Variants in CACNA2D3 observed in about 807,000 individuals in gnomAD.
CACNA2D3 encodes the protein voltage-dependent calcium channel subunit alpha-2/delta-3.
CACNA2D3 carries 60 observed loss-of-function variants against 160.6 expected under a neutral mutation model. That is an observed-to-expected ratio of 0.37 (90% CI 0.30 to 0.46). CACNA2D3 has a LOEUF of 0.46. CACNA2D3 is among the 20% of genes least tolerant of loss of function. CACNA2D3 has a pLI of 1.00. For synonymous variants in CACNA2D3, 558 were observed against 492.9 expected (o/e 1.13, Z -1.75); for missense variants, 1,205 against 1,365.0 (o/e 0.88, Z 1.85).
intron 4 of CACNA2D3, among the ~76,000 whole-genome samples, chr3:54,387,557 CAGG>C: frequency 6.6e-6 from 1 of 152,284 alleles, no homozygotes; most frequent in Non-Finnish European, 1.5e-5. Context: ...GAAACTGAGG[CAGG>C]AGAATTGCTT....
intron 25 of CACNA2D3, 69 bp from the exon 26 acceptor site, chr3:54,896,680 C>T (rs887418329): frequency 6.9e-6 from 11 of 1,594,604 alleles, no homozygotes; most frequent in East Asian, 4.5e-5. Flanking sequence ...TGAAGGCTGT[C>T]GGGGTGCTCC....
intron 11 of CACNA2D3, among the ~76,000 whole-genome samples, chr3:54,650,384 CAG>C (rs1258682454): frequency 6.6e-6 from 1 of 151,680 alleles, no homozygotes; most frequent in Non-Finnish European, 1.5e-5. Context: ...TATTTTTAAA[CAG>C]AGTCTTGCTG....
At chr3:54,232,514 G>A (rs1322583892) in intron 2 of CACNA2D3, among the ~76,000 whole-genome samples, 2 of 152,106 alleles carry the variant, frequency 1.3e-5, no homozygotes, top group African/African-American at 4.8e-5. Context: ...AAACTCAAAA[G>A]GAAACGTTAC....
rs899959661 is a variant in CACNA2D3, at chr3:54,399,996, C to G, written c.381+13222C>G. ...CTCTGAGCCAGGTGTGGGATATAGT[C>G]TCGTGGTGCGCCGTTTTTTAAGCCG... On this transcript the variant is annotated intron_variant, in intron 4 of 37. Transcript: ENST00000474759. Among the ~76,000 whole-genome samples the G allele has an allele frequency of 5.8e-5, 7 of 120,084 alleles. 1 individual carries two copies. The highest frequency in any genetic ancestry group is 2.3e-4 in the African/African-American group (7 of 30,460). 78.8% of individuals were successfully genotyped at this position (120,084 alleles called of 152,430 possible). A position where few individuals can be genotyped will look rare whatever the true frequency, so the allele number is the denominator to read the frequency against.
intron 2 of CACNA2D3, among the ~76,000 whole-genome samples, chr3:54,296,894 C>G (rs903986809): frequency 6.6e-6 from 1 of 152,172 alleles, no homozygotes; most frequent in East Asian, 1.9e-4. Context: ...GATGTTCAAG[C>G]TGAGTTTGGC....
intron 11 of CACNA2D3, among the ~76,000 whole-genome samples, chr3:54,696,211 T>C (rs1274280975): frequency 6.6e-6 from 1 of 152,174 alleles, no homozygotes; most frequent in African/African-American, 2.4e-5. Context: ...CTGGTGTTAT[T>C]TGGACCAGTG....
At position 54,809,610 on chromosome 3, in the gene CACNA2D3, G is replaced by A. The variant is rs755069922; in HGVS notation, c.1381-7243G>A. 1.3e-4 allele frequency among the ~76,000 whole-genome samples: 18 copies of A among 140,360 alleles called. 1 individual carries two copies. Among genetic ancestry groups the A allele is most frequent in the Non-Finnish European group, 1.6e-4 (11 of 67,782 alleles). 92.1% of individuals were successfully genotyped at this position (140,360 alleles called of 152,430 possible). A position where few individuals can be genotyped will look rare whatever the true frequency, so the allele number is the denominator to read the frequency against. The stretch of plus-strand genomic sequence containing the variant: ...TGGGATTACAGGCGTGAGCCACCGC[G>A]CCCGGCCCCTTCCTTCTTTCTTTCT... On this transcript the variant is annotated intron_variant, in intron 13 of 37. Coordinates refer to ENST00000474759, the MANE Select transcript of CACNA2D3 (RefSeq NM_018398.3).
rs1699725057 is a variant in CACNA2D3 at position 54,649,822 on chromosome 3, A to T, written c.1167+7581A>T. ...TCTTTGGGAGACACATTCAGTCCAT[A>T]ACACTGTCTGTTCCTGTGGGGGCAG... On this transcript the variant is annotated intron_variant, in intron 11 of 37. Transcript: ENST00000474759. Among the ~76,000 whole-genome samples, 3 of 152,340 alleles carry T rather than the reference A, an allele frequency of 2.0e-5. No homozygotes were observed. In the South Asian group the frequency reaches 6.2e-4, roughly 32 times the overall value.
intron 4 of CACNA2D3, among the ~76,000 whole-genome samples, chr3:54,434,275 C>T (rs954548048): frequency 6.6e-6 from 1 of 152,206 alleles, no homozygotes; most frequent in Admixed American, 6.5e-5. Flanking sequence ...ACACTCCCAC[C>T]CAGCATCATC....
chr3:54,777,197 C>T (rs1702440856), intron 13 of CACNA2D3, among the ~76,000 whole-genome samples: 1 of 152,188 alleles, frequency 6.6e-6, no homozygotes, highest in African/African-American at 2.4e-5. Flanking sequence ...AATGTGTTAT[C>T]TATGAGGCCA....
intron 2 of CACNA2D3, among the ~76,000 whole-genome samples, chr3:54,230,129 G>GT (rs10663453): frequency 0.055 from 7,886 of 143,322 alleles, 285 homozygotes; most frequent in East Asian, 0.21. Flanking sequence ...TCATTTAATT[G>GT]TTTTTTTTTT....
chr3:54,535,269 CAA>C (rs1701871515), intron 5 of CACNA2D3, among the ~76,000 whole-genome samples: 3 of 152,200 alleles, frequency 2.0e-5, no homozygotes, highest in Non-Finnish European at 2.9e-5. Context: ...TGTTTTTTTA[CAA>C]GTCCTCCAGT....
At chr3:54,412,065 A>G (rs1699676315) in intron 4 of CACNA2D3, among the ~76,000 whole-genome samples, 1 of 152,176 alleles carries the variant, frequency 6.6e-6, no homozygotes, top group Admixed American at 6.5e-5. Context: ...AGTTTTATAT[A>G]TTCTTGAACT....
intron 11 of CACNA2D3, among the ~76,000 whole-genome samples, chr3:54,686,317 AC>A (rs1365064131): frequency 6.6e-6 from 1 of 152,196 alleles, no homozygotes; most frequent in African/African-American, 2.4e-5. Context: ...AAGCTTGCTG[AC>A]CCCTGAACTA....
chr3:54,439,333 T>TGTGTGTGTGTG lies in CACNA2D3; in HGVS notation c.381+52559_381+52560insGTGTGTGTGTG, dbSNP rs869041749. 4.9e-3 allele frequency among the ~76,000 whole-genome samples: 729 copies of TGTGTGTGTGTG among 147,956 alleles called. 7 individuals are homozygous for TGTGTGTGTGTG. The highest frequency in any genetic ancestry group is 0.016 in the East Asian group (82 of 5,062). The stretch of plus-strand genomic sequence containing the variant: ...GGTGTGTGTGTGTGTGTGTGTGTGT[T>TGTGTGTGTGTG]TGTGTGTGAAGATAGAGAATTAGCT... On this transcript the variant is annotated intron_variant, in intron 4 of 37. Transcript: ENST00000474759.
intron 14 of CACNA2D3, among the ~76,000 whole-genome samples, chr3:54,818,067 C>G (rs1391176287): frequency 2.0e-5 from 3 of 152,102 alleles, no homozygotes; most frequent in Non-Finnish European, 4.4e-5. Context: ...AATTCTCTGC[C>G]TAAAAATGGA....
chr3:54,890,632 T>G (rs1271459790), intron 24 of CACNA2D3, among the ~76,000 whole-genome samples: 3 of 152,214 alleles, frequency 2.0e-5, no homozygotes, highest in African/African-American at 4.8e-5. Flanking sequence ...AGAATTTGCC[T>G]TGGAAGTTGA....
chr3:54,316,799 G>A (rs555589604), intron 2 of CACNA2D3, among the ~76,000 whole-genome samples: 3 of 152,334 alleles, frequency 2.0e-5, no homozygotes, highest in South Asian at 4.1e-4. Context: ...TTGGTGGAAA[G>A]TTAGAGTTCA....
chr3:54,484,445 A>C (rs1490992532), intron 4 of CACNA2D3, among the ~76,000 whole-genome samples: 1 of 152,066 alleles, frequency 6.6e-6, no homozygotes, highest in Admixed American at 6.5e-5. Context: ...CTAGGTAGTG[A>C]TGGAAAAGAC....
Sources: gnomAD v4.1 joint callset for allele counts (sites outside exome capture counted in the v4.1 genomes callset) on GRCh38, gnomAD v4.1.1 for gene constraint, MANE v1.5 for transcripts, NCBI Gene and HGNC (gene_info 2026-07-23, HGNC 2026-07-21) for gene names.